The following KAZN variants were observed in gnomAD, a reference collection of about 807,000 sequenced individuals.
The protein encoded by KAZN is kazrin.
In KAZN, 40 loss-of-function variants were observed where a neutral mutation model predicts 87.4. That is an observed-to-expected ratio of 0.46 (90% confidence interval 0.36 to 0.60). The LOEUF is 0.60. Ranked by LOEUF, KAZN falls within the 20% of genes least tolerant of loss-of-function variation. The probability of loss-of-function intolerance (pLI) is 0.00; values close to 1 mark genes in which losing one functional copy is unlikely to be tolerated. For missense variants in KAZN, 898 were observed against 1,073.9 expected, an observed-to-expected ratio of 0.84 and a Z score of 2.29; for synonymous variants, 466 against 458.3, an observed-to-expected ratio of 1.02 and a Z score of -0.22.
rs931973815 is a variant in KAZN at position 15,098,057 on chromosome 1, G to A, written c.1547+3124G>A. Among the ~76,000 whole-genome samples the A allele has an allele frequency of 7.2e-5, 11 of 152,276 alleles. No homozygotes were observed. In the South Asian group the frequency reaches 1.2e-3, roughly 17 times the overall value. On this transcript the variant is annotated intron_variant, in intron 10 of 14. Transcript: ENST00000376030. ...GTCCCTACAACTCCATGAGGCAAGC[G>A]CAATTCTCCCCGTTTTACAGAGGAG...
chr1:14,275,645 C>T (rs189586252), intron 2 of KAZN, among the ~76,000 whole-genome samples: 5 of 152,178 alleles, frequency 3.3e-5, no homozygotes, highest in Admixed American at 6.5e-5. Flanking sequence ...CATTTTACAG[C>T]GATTTACTAT....
intron 3 of KAZN, among the ~76,000 whole-genome samples, chr1:15,043,082 AT>A (rs1235781476): frequency 2.6e-5 from 4 of 152,174 alleles, no homozygotes; most frequent in African/African-American, 7.2e-5. Context: ...AAAACAGCTC[AT>A]GCAGGAGGGC....
chr1:15,080,442 G>C (rs1007223889), intron 8 of KAZN, among the ~76,000 whole-genome samples: 4 of 152,032 alleles, frequency 2.6e-5, no homozygotes, highest in African/African-American at 9.7e-5. Flanking sequence ...GCCCACCAAG[G>C]GTCCTGCCAT....
At chr1:14,291,291 G>A (rs923202270) in intron 2 of KAZN, among the ~76,000 whole-genome samples, 2 of 152,202 alleles carry the variant, frequency 1.3e-5, no homozygotes, top group African/African-American at 2.4e-5. Context: ...GCCCCCAGAG[G>A]TGGAATCTAC....
chr1:14,153,550 G>A (rs113627723), intron 1 of KAZN, among the ~76,000 whole-genome samples: 264 of 152,016 alleles, frequency 1.7e-3, no homozygotes, highest in African/African-American at 5.9e-3. Context: ...TGAGGCAGGC[G>A]GATCACCTGA....
intron 1 of KAZN, among the ~76,000 whole-genome samples, chr1:14,091,416 A>AGTGTGTGTATGTATGTGTGCTTGTATGT (rs1223810814): frequency 3.9e-5 from 6 of 152,036 alleles, no homozygotes; most frequent in African/African-American, 1.5e-4. Context: ...TGTTGCTATA[A>AGTGTGTGTATGTATGTGTGCTTGTATGT]GTGTGTGTAT....
intron 1 of KAZN, among the ~76,000 whole-genome samples, chr1:14,917,296 C>G (rs1657917270): frequency 6.6e-6 from 1 of 152,182 alleles, no homozygotes; most frequent in Non-Finnish European, 1.5e-5. Flanking sequence ...GTCCCAGAGT[C>G]CTGCTGGGAT....
At chr1:13,958,442 C>T (rs1473611585) in intron 1 of KAZN, among the ~76,000 whole-genome samples, 1 of 151,576 alleles carries the variant, frequency 6.6e-6, no homozygotes, top group African/African-American at 2.4e-5. Flanking sequence ...GGCATAGTGG[C>T]GGGCACCTGT....
intron 2 of KAZN, among the ~76,000 whole-genome samples, chr1:14,563,874 C>CTTTTT (rs540880203): frequency 0.052 from 5,125 of 97,760 alleles, 695 homozygotes; most frequent in Middle Eastern, 0.081. Context: ...GTTCAAACTC[C>CTTTTT]TTTTTTTTTT....
chr1:14,139,638 T>A (rs2101760964), intron 1 of KAZN, among the ~76,000 whole-genome samples: 1 of 152,330 alleles, frequency 6.6e-6, no homozygotes, highest in South Asian at 2.1e-4. Flanking sequence ...ACAATTAGCT[T>A]CTGCAGAGGT....
At chr1:14,312,522 A>G (rs1198021532) in intron 2 of KAZN, among the ~76,000 whole-genome samples, 1 of 152,192 alleles carries the variant, frequency 6.6e-6, no homozygotes, top group African/African-American at 2.4e-5. Context: ...TAGGAGAAGC[A>G]GAATTTAAAC....
intron 1 of KAZN, among the ~76,000 whole-genome samples, chr1:14,744,125 C>A (rs1222512355): frequency 1.3e-5 from 2 of 152,156 alleles, no homozygotes; most frequent in Non-Finnish European, 2.9e-5. Flanking sequence ...ATCACCAGTG[C>A]CCTGAATGGT....
intron 1 of KAZN, among the ~76,000 whole-genome samples, chr1:14,141,151 A>G (rs896144096): frequency 3.3e-5 from 5 of 151,284 alleles, no homozygotes; most frequent in Non-Finnish European, 7.4e-5. Flanking sequence ...TCCCCAGAAA[A>G]CCCCCAGAAA....
At chr1:15,053,258 C>T (rs1417673045) in intron 4 of KAZN, among the ~76,000 whole-genome samples, 2 of 152,292 alleles carry the variant, frequency 1.3e-5, no homozygotes, top group East Asian at 1.9e-4. Flanking sequence ...AGGCAGGTGC[C>T]GCCACCGACT....
intron 1 of KAZN, among the ~76,000 whole-genome samples, chr1:14,691,948 T>G (rs1170456677): frequency 6.6e-6 from 1 of 150,668 alleles, no homozygotes; most frequent in Non-Finnish European, 1.5e-5. Flanking sequence ...TTTTTTACGA[T>G]GAATTCATTT....
At chr1:15,102,471 G>T (rs1409910078) in intron 11 of KAZN, among the ~76,000 whole-genome samples, 1 of 152,172 alleles carries the variant, frequency 6.6e-6, no homozygotes, top group Admixed American at 6.5e-5. Flanking sequence ...TGCTGGCTTT[G>T]AGGTGGGAGG....
At position 14,769,011 on chromosome 1, in the gene KAZN, G is replaced by A. The variant is rs1218639205; in HGVS notation, c.226+169788G>A. On this transcript the variant is annotated intron_variant, in intron 1 of 14. Coordinates refer to ENST00000376030, the MANE Select transcript of KAZN (RefSeq NM_201628.3). This position sits in a 1 kb window ranked among gnomAD's most constrained non-coding sequence, Gnocchi z 4.1. ...CTAGAGCATTGCAGAATTCTTCACAGCTAGTTGACTTTCCGTAAAAGCTTC... is the reference window on the plus strand; with the variant it reads ...CTAGAGCATTGCAGAATTCTTCACAACTAGTTGACTTTCCGTAAAAGCTTC... 6.6e-6 allele frequency among the ~76,000 whole-genome samples: 1 copy of A among 152,236 alleles called. No individual in the cohort carries two copies. The highest frequency in any genetic ancestry group is 2.4e-5 in the African/African-American group (1 of 41,458).
chr1:14,276,806 A>G (rs544763892), intron 2 of KAZN, among the ~76,000 whole-genome samples: 6 of 152,212 alleles, frequency 3.9e-5, no homozygotes, highest in Non-Finnish European at 5.9e-5. Flanking sequence ...CATCTTTTGG[A>G]GGGACACAAG....
chr1:14,359,051 GAGTCTA>G (rs1659278231), intron 2 of KAZN, among the ~76,000 whole-genome samples: 1 of 152,130 alleles, frequency 6.6e-6, no homozygotes. Flanking sequence ...TATTGTGTGG[GAGTCTA>G]AGTCTCTTTG....
Sources: allele counts gnomAD v4.1 joint callset (sites outside exome capture counted in the v4.1 genomes callset), GRCh38; gene constraint gnomAD v4.1.1; non-coding constraint Gnocchi (gnomAD v3.1); transcripts MANE v1.5; gene names NCBI Gene and HGNC (gene_info 2026-07-23, HGNC 2026-07-21).